The following TRAF3IP1 variants were observed in gnomAD, a reference collection of about 807,000 sequenced individuals.
TRAF3IP1 encodes intraflagellar transport 54, also known as TRAF3-interacting protein 1.
Under a neutral mutation model 89.9 loss-of-function variants are expected in TRAF3IP1, and 53 were observed. The observed-to-expected ratio is 0.59, with a 90% confidence interval of 0.47 to 0.74. The LOEUF is 0.74. TRAF3IP1 is among the 30% of genes least tolerant of loss of function. The pLI, the probability that TRAF3IP1 is intolerant of heterozygous loss-of-function variation, is 0.00. For missense variants in TRAF3IP1, 806 were observed against 866.1 expected, an observed-to-expected ratio of 0.93 and a Z score of 0.87; for synonymous variants, 311 against 322.1, an observed-to-expected ratio of 0.97 and a Z score of 0.37.
At position 238,338,350 on chromosome 2, in the gene TRAF3IP1, A is replaced by G. The variant is rs1038559597; in HGVS notation, c.1064-12A>G. The G allele has an allele frequency of 1.4e-6, 2 of 1,473,210 alleles. No homozygotes were observed. Among genetic ancestry groups the G allele is most frequent in the African/African-American group, 1.4e-5 (1 of 70,874 alleles). The allele number at this position is 1,473,210 out of a possible 1,614,324, so 91.3% of individuals were successfully genotyped here. A position where few individuals can be genotyped will look rare whatever the true frequency, so the allele number is the denominator to read the frequency against. On this transcript the variant is annotated splice_polypyrimidine_tract_variant and intron_variant, in intron 7 of 16. Coordinates refer to ENST00000373327, the MANE Select transcript of TRAF3IP1 (RefSeq NM_015650.4). Reference sequence around the variant, plus strand: ...ATAATATTTTAATCTGTTGTTAACTATTTTATGTCAGGAAGGAAGGAGGAT... The same window carrying G: ...ATAATATTTTAATCTGTTGTTAACTGTTTTATGTCAGGAAGGAAGGAGGAT...
chr2:238,321,901 T>C (rs1015328335), intron 1 of TRAF3IP1, among the ~76,000 whole-genome samples: 1 of 152,212 alleles, frequency 6.6e-6, no homozygotes, highest in Non-Finnish European at 1.5e-5. Context: ...GCACAGACTT[T>C]GCTTTACTGG....
In TRAF3IP1 at chr2:238,397,447, C is replaced by T; in HGVS notation, c.1690-12C>T. The T allele has an allele frequency of 6.2e-7, 1 of 1,611,910 alleles. No individual in the cohort carries two copies. Among genetic ancestry groups the T allele is most frequent in the Non-Finnish European group, 8.5e-7 (1 of 1,179,276 alleles). The stretch of plus-strand genomic sequence containing the variant: ...GAGGCGTGTTCCTCTTCCTATGTCT[C>T]CCTGACTGTAGGAGCGATCTCTCTT... On this transcript the variant is annotated splice_polypyrimidine_tract_variant and intron_variant, in intron 15 of 16. Coordinates refer to ENST00000373327, the MANE Select transcript of TRAF3IP1 (RefSeq NM_015650.4).
At chr2:238,369,690 C>T (rs767238051) in intron 15 of TRAF3IP1, among the ~76,000 whole-genome samples, 21 of 152,210 alleles carry the variant, frequency 1.4e-4, no homozygotes, top group Admixed American at 9.2e-4. Flanking sequence ...AGACGCTCTC[C>T]GTGGCCTCTC....
intron 3 of TRAF3IP1, among the ~76,000 whole-genome samples, chr2:238,327,158 G>A (rs1236485741): frequency 1.3e-5 from 2 of 152,136 alleles, no homozygotes; most frequent in African/African-American, 4.8e-5. Context: ...CCCTGCATTC[G>A]GCCCTGGCCG....
intron 15 of TRAF3IP1, among the ~76,000 whole-genome samples, chr2:238,394,111 G>A (rs1028056305): frequency 2.6e-5 from 4 of 152,080 alleles, no homozygotes; most frequent in East Asian, 1.9e-4. Flanking sequence ...CAGGAGAATC[G>A]CTTGAATCTG....
chr2:238,342,636 T>G (rs924238871), intron 8 of TRAF3IP1, among the ~76,000 whole-genome samples: 2 of 152,160 alleles, frequency 1.3e-5, no homozygotes, highest in African/African-American at 2.4e-5. Flanking sequence ...ATTATTAGAG[T>G]GTTTTCTTCT....
At chr2:238,361,840 CT>C (rs1699674347) in intron 15 of TRAF3IP1, among the ~76,000 whole-genome samples, 1 of 152,208 alleles carries the variant, frequency 6.6e-6, no homozygotes, top group African/African-American at 2.4e-5. Context: ...CTTGACTTGA[CT>C]TTTACCACTA....
chr2:238,329,065 G>C lies in TRAF3IP1; in HGVS notation c.638G>C (p.Arg213Thr), dbSNP rs776250451. 21 of 1,551,410 alleles carry C rather than the reference G, an allele frequency of 1.4e-5. No homozygotes were observed. In the South Asian group the frequency reaches 2.0e-4, roughly 15 times the overall value. Reference sequence around the variant, plus strand: ...AAGGAGAATGGCGGAAACAGACACAGAGAAGGGGAGAGAGAGAGAGCCAAA... The same window carrying C: ...AAGGAGAATGGCGGAAACAGACACACAGAAGGGGAGAGAGAGAGAGCCAAA... ...KAKENGGNRHREGERERAKAR... is the reference protein window; with the variant it reads ...KAKENGGNRHTEGERERAKAR... Residue 213 changes from arginine (R) to threonine (T), a missense_variant, in exon 5 of 17, where the codon AGA becomes ACA. Around this residue, in one of 3 missense-constraint regions of TRAF3IP1, gnomAD observed 732 missense variants for 780.5 expected, o/e 0.94. Coordinates refer to ENST00000373327, the MANE Select transcript of TRAF3IP1 (RefSeq NM_015650.4).
chr2:238,337,683 A>G (rs578074301), intron 7 of TRAF3IP1, among the ~76,000 whole-genome samples: 11 of 152,306 alleles, frequency 7.2e-5, no homozygotes, highest in Admixed American at 4.6e-4. Flanking sequence ...GTTGGATGCC[A>G]CTTGTTTGAA....
At chr2:238,361,703 C>T (rs1021820575) in intron 15 of TRAF3IP1, among the ~76,000 whole-genome samples, 1 of 152,122 alleles carries the variant, frequency 6.6e-6, no homozygotes, top group Non-Finnish European at 1.5e-5. Flanking sequence ...TCCTCCACTC[C>T]TCCCCGACTC....
intron 15 of TRAF3IP1, among the ~76,000 whole-genome samples, chr2:238,362,739 T>TG (rs1699715960): frequency 6.6e-6 from 1 of 152,234 alleles, no homozygotes; most frequent in Non-Finnish European, 1.5e-5. Flanking sequence ...TATCACAAAC[T>TG]AGAACGTGTC....
chr2:238,334,392 T>C (rs1698286174), intron 7 of TRAF3IP1, among the ~76,000 whole-genome samples: 2 of 152,356 alleles, frequency 1.3e-5, no homozygotes, highest in South Asian at 4.1e-4. Context: ...CTGATGCAGG[T>C]TGGATATAGA....
chr2:238,353,272 G>A (rs1009968740), intron 14 of TRAF3IP1, 63 bp downstream of exon 14: 17 of 1,585,492 alleles, frequency 1.1e-5, no homozygotes, highest in African/African-American at 6.7e-5. Context: ...CCTTCTCCAC[G>A]TGGGCCTGGA....
intron 15 of TRAF3IP1, among the ~76,000 whole-genome samples, chr2:238,384,257 G>A (rs1700663683): frequency 6.6e-6 from 1 of 152,062 alleles, no homozygotes; most frequent in South Asian, 2.1e-4. Context: ...GCTGACAACA[G>A]TTGCCTCTGA....
intron 15 of TRAF3IP1, among the ~76,000 whole-genome samples, chr2:238,367,774 G>T (rs1699946274): frequency 1.3e-5 from 2 of 152,190 alleles, no homozygotes; most frequent in South Asian, 4.1e-4. Context: ...GCACTCCAGA[G>T]CCTGGATCCA....
chr2:238,365,381 GCCA>G (rs1699830719), intron 15 of TRAF3IP1, among the ~76,000 whole-genome samples: 1 of 152,136 alleles, frequency 6.6e-6, no homozygotes, highest in African/African-American at 2.4e-5. Context: ...ATAAAAATGG[GCCA>G]GGCGCGGTGG....
At chr2:238,353,043 G>A in intron 13 of TRAF3IP1, 93 bp downstream of exon 13, 2 of 1,524,566 alleles carry the variant, frequency 1.3e-6, no homozygotes, top group Non-Finnish European at 8.9e-7. Context: ...AGACAAAAAT[G>A]TCCTGTAATT....
rs1699177427 is a variant in TRAF3IP1 at position 238,351,860 on chromosome 2, TGTGTGTGCGCGCGCGCGCGTGTGC to T, written c.1452-963_1452-940del. ...GTGTGTGTGTGTGTGTGTGTGTGTG[TGTGTGTGCGCGCGCGCGCGTGTGC>T]GTGCATGTGCTTGTGTGTATGCGTG... On this transcript the variant is annotated intron_variant, in intron 12 of 16. Coordinates refer to ENST00000373327, the MANE Select transcript of TRAF3IP1 (RefSeq NM_015650.4). This position sits in a 1 kb window ranked among gnomAD's most constrained non-coding sequence, Gnocchi z 5.2. Among the ~76,000 whole-genome samples, 1 of 92,728 alleles carries T rather than the reference TGTGTGTGCGCGCGCGCGCGTGTGC, an allele frequency of 1.1e-5. No individual in the cohort carries two copies. The highest frequency in any genetic ancestry group is 2.0e-5 in the Non-Finnish European group (1 of 49,496). The allele number at this position is 92,728 out of a possible 152,430, so 60.8% of individuals were successfully genotyped here. A position where few individuals can be genotyped will look rare whatever the true frequency, so the allele number is the denominator to read the frequency against.
At chr2:238,365,653 T>C (rs1338244154) in intron 15 of TRAF3IP1, among the ~76,000 whole-genome samples, 1 of 150,350 alleles carries the variant, frequency 6.7e-6, no homozygotes, top group Non-Finnish European at 1.5e-5. Flanking sequence ...GTGAGACCTG[T>C]CTCAAAAAAA....
Sources: gnomAD v4.1 joint callset for allele counts (sites outside exome capture counted in the v4.1 genomes callset) on GRCh38, gnomAD v4.1.1 for gene constraint, gnomAD v4.1.1 regional missense constraint, Gnocchi (gnomAD v3.1) non-coding constraint, MANE v1.5 for transcripts, NCBI Gene and HGNC (gene_info 2026-07-23, HGNC 2026-07-21) for gene names.